The following RCAN3 variants were observed in gnomAD, a reference collection of about 807,000 sequenced individuals.
The protein encoded by RCAN3 is calcipressin-3.
A neutral mutation model predicts 21.9 loss-of-function variants in RCAN3; 19 were observed. That is an observed-to-expected ratio of 0.87 (90% confidence interval 0.61 to 1.27). The LOEUF (loss-of-function observed/expected upper bound fraction) is 1.27. Among genes scored for constraint, RCAN3 ranks in the 50% most tolerant of loss-of-function variants. The probability of loss-of-function intolerance (pLI) is 0.00; values close to 1 mark genes in which losing one functional copy is unlikely to be tolerated. For synonymous variants in RCAN3, 114 were observed against 112.3 expected (o/e 1.01, Z -0.09); for missense variants, 240 against 300.1 (o/e 0.80, Z 1.48).
At chr1:24,517,992 C>A (rs531801755) in intron 2 of RCAN3, among the ~76,000 whole-genome samples, 3 of 152,028 alleles carry the variant, frequency 2.0e-5, no homozygotes, top group Non-Finnish European at 4.4e-5. Context: ...GGATTACAGG[C>A]AGAATAATCC....
At chr1:24,505,241 T>G (rs1330116703) in intron 1 of RCAN3, among the ~76,000 whole-genome samples, 2 of 142,736 alleles carry the variant, frequency 1.4e-5, no homozygotes, top group South Asian at 4.4e-4. Flanking sequence ...TCTTTTTTTT[T>G]TTTTTTTTTT....
chr1:24,523,565 A>C (rs1648988243), intron 2 of RCAN3, among the ~76,000 whole-genome samples: 1 of 148,820 alleles, frequency 6.7e-6, no homozygotes, highest in Non-Finnish European at 1.5e-5. Flanking sequence ...GTATACACAC[A>C]CATATATAAA....
Position 24,530,356 on chromosome 1 carries a change from CAAA to C in RCAN3, c.196-841_196-839del, listed in dbSNP as rs56914359. On this transcript the variant is annotated intron_variant, in intron 2 of 4. Transcript: ENST00000374395. ...GGCAACAGAGTGAGACTCTTATCTC[CAAA>C]AAAAAAAAAAAAAAAAAAAAGACAG... Among the ~76,000 whole-genome samples the C allele has an allele frequency of 2.8e-3, 227 of 81,490 alleles. 2 individuals are homozygous for C. Among genetic ancestry groups the C allele is most frequent in the African/African-American group, 9.8e-3 (199 of 20,304 alleles). The allele number at this position is 81,490 out of a possible 152,430, so 53.5% of individuals were successfully genotyped here. A position where few individuals can be genotyped will look rare whatever the true frequency, so the allele number is the denominator to read the frequency against.
chr1:24,507,968 C>T (rs946071198), intron 1 of RCAN3, among the ~76,000 whole-genome samples: 4 of 152,292 alleles, frequency 2.6e-5, no homozygotes, highest in East Asian at 3.9e-4. Flanking sequence ...GTCCCAGCTA[C>T]TCGGGAGGCT....
chr1:24,515,609 C>T (rs759992728), intron 2 of RCAN3, among the ~76,000 whole-genome samples: 4 of 152,120 alleles, frequency 2.6e-5, no homozygotes, highest in Non-Finnish European at 5.9e-5. Flanking sequence ...TAGTTTTCAG[C>T]CGATGTACCC....
intron 2 of RCAN3, among the ~76,000 whole-genome samples, chr1:24,530,170 G>A (rs196420): frequency 0.53 from 80,451 of 150,974 alleles, 21,998 homozygotes; most frequent in East Asian, 0.74. Context: ...CTTGGGCAAT[G>A]TGGCAAAACC....
At chr1:24,516,801 A>AC (rs1189047895) in intron 2 of RCAN3, among the ~76,000 whole-genome samples, 1 of 151,956 alleles carries the variant, frequency 6.6e-6, no homozygotes, top group Non-Finnish European at 1.5e-5. Context: ...CCTGGAGATG[A>AC]CCCACCCCAA....
intron 2 of RCAN3, among the ~76,000 whole-genome samples, chr1:24,515,959 A>G (rs1648283283): frequency 6.6e-6 from 1 of 152,178 alleles, no homozygotes; most frequent in African/African-American, 2.4e-5. Flanking sequence ...CCTGACCAAC[A>G]TGGTGAAACC....
chr1:24,511,137 C>A (rs1647844200), intron 1 of RCAN3, among the ~76,000 whole-genome samples: 1 of 152,140 alleles, frequency 6.6e-6, no homozygotes, highest in African/African-American at 2.4e-5. Flanking sequence ...CATGGTGAAA[C>A]CCTGTCTATA....
In RCAN3 at chr1:24,535,348, T is replaced by C; in HGVS notation, c.*71T>C. On this transcript the variant is annotated 3_prime_UTR_variant, in exon 5 of 5. Coordinates refer to ENST00000374395, the MANE Select transcript of RCAN3 (RefSeq NM_013441.4). ...CATGGCGCTCTGTGCCTGCGGCCGATGCGTTGCTGCGAACAGCATAGGTGA... is the reference window on the plus strand; with the variant it reads ...CATGGCGCTCTGTGCCTGCGGCCGACGCGTTGCTGCGAACAGCATAGGTGA... 1 of 1,465,552 alleles carries C rather than the reference T, an allele frequency of 6.8e-7. No individual in the cohort carries two copies. Among genetic ancestry groups the C allele is most frequent in the South Asian group, 1.5e-5 (1 of 65,718 alleles). 90.8% of individuals were successfully genotyped at this position (1,465,552 alleles called of 1,614,324 possible).
At chr1:24,508,052 C>G (rs1005073033) in intron 1 of RCAN3, among the ~76,000 whole-genome samples, 40 of 152,034 alleles carry the variant, frequency 2.6e-4, no homozygotes, top group Non-Finnish European at 2.9e-5. Flanking sequence ...GAGCCGAGAT[C>G]GCGCCACTGC....
chr1:24,524,902 T>C (rs1412353828), intron 2 of RCAN3, among the ~76,000 whole-genome samples: 1 of 146,812 alleles, frequency 6.8e-6, no homozygotes, highest in Non-Finnish European at 1.5e-5. Context: ...CAATCACAGC[T>C]CTCTGCAACC....
At chr1:24,534,805 ATAAAT>A (rs1351509303) in intron 4 of RCAN3, among the ~76,000 whole-genome samples, 1 of 152,214 alleles carries the variant, frequency 6.6e-6, no homozygotes, top group Non-Finnish European at 1.5e-5. Flanking sequence ...TCTCAAATAA[ATAAAT>A]TAATTAATTA....
intron 3 of RCAN3, among the ~76,000 whole-genome samples, chr1:24,532,687 A>G (rs529109611): frequency 1.3e-5 from 2 of 149,864 alleles, no homozygotes; most frequent in African/African-American, 2.4e-5. Context: ...GGTGGCTCAC[A>G]CCTGTAATCC....
intron 2 of RCAN3, among the ~76,000 whole-genome samples, chr1:24,528,443 T>C (rs1649457206): frequency 6.6e-6 from 1 of 152,118 alleles, no homozygotes; most frequent in Non-Finnish European, 1.5e-5. Flanking sequence ...TACACACATG[T>C]ATTCTTTTTA....
rs1650154275 is a variant in RCAN3 at position 24,535,341 on chromosome 1, C to T, written c.*64C>T. On this transcript the variant is annotated 3_prime_UTR_variant, in exon 5 of 5. Transcript: ENST00000374395. ...CTCTGGCCATGGCGCTCTGTGCCTG[C>T]GGCCGATGCGTTGCTGCGAACAGCA... is the stretch of plus-strand genomic sequence containing the variant. The T allele has an allele frequency of 3.4e-6, 5 of 1,470,144 alleles. No individual in the cohort carries two copies. Among genetic ancestry groups the T allele is most frequent in the Admixed American group, 2.6e-5 (1 of 37,884 alleles). 91.1% of individuals were successfully genotyped at this position (1,470,144 alleles called of 1,614,324 possible).
At position 24,536,159 on chromosome 1, in the gene RCAN3, A is replaced by G. The variant is rs196434; in HGVS notation, c.*882A>G. ...CTTCACCTTTTCCAGTATCTTGTTA[A>G]CCACTAGTTCTTGAGTTTTTTGGCT... is the stretch of plus-strand genomic sequence containing the variant. On this transcript the variant is annotated 3_prime_UTR_variant, in exon 5 of 5. Coordinates refer to ENST00000374395, the MANE Select transcript of RCAN3 (RefSeq NM_013441.4). 82,456 of 151,578 alleles carry G rather than the reference A, an allele frequency of 0.54. 23,201 individuals are homozygous for G. The highest frequency in any genetic ancestry group is 0.73 in the East Asian group (3,746 of 5,154). 9.4% of individuals were successfully genotyped at this position (151,578 alleles called of 1,614,324 possible).
At chr1:24,526,258 A>G (rs1404727451) in intron 2 of RCAN3, among the ~76,000 whole-genome samples, 1 of 152,068 alleles carries the variant, frequency 6.6e-6, no homozygotes. Context: ...TGCCTGGCTA[A>G]TTATTTAATT....
chr1:24,521,168 A>G (rs999276847), intron 2 of RCAN3, among the ~76,000 whole-genome samples: 1 of 152,212 alleles, frequency 6.6e-6, no homozygotes, highest in African/African-American at 2.4e-5. Context: ...ATATGGTCAA[A>G]TGATTTTCAA....
Sources: gnomAD v4.1 joint callset for allele counts (sites outside exome capture counted in the v4.1 genomes callset) on GRCh38, gnomAD v4.1.1 for gene constraint, MANE v1.5 for transcripts, NCBI Gene and HGNC (gene_info 2026-07-23, HGNC 2026-07-21) for gene names.